Variants in TMTC2 observed in about 807,000 individuals in gnomAD.
TMTC2 encodes the protein protein O-mannosyl-transferase TMTC2.
TMTC2 carries 43 observed loss-of-function variants against 82.4 expected under a neutral mutation model. The observed-to-expected ratio is 0.52, with a 90% CI of 0.41 to 0.67. TMTC2 has a LOEUF of 0.67. TMTC2 is among the 30% of genes least tolerant of loss of function. The probability of loss-of-function intolerance (pLI) is 0.00; values close to 1 mark genes in which losing one functional copy is unlikely to be tolerated. For missense variants in TMTC2, 919 were observed against 1,012.4 expected, an observed-to-expected ratio of 0.91 and a Z score of 1.25; for synonymous variants, 408 against 381.9, an observed-to-expected ratio of 1.07 and a Z score of -0.80.
intron 1 of TMTC2, among the ~76,000 whole-genome samples, chr12:82,726,651 T>C (rs1027742502): frequency 5.9e-5 from 9 of 151,900 alleles, no homozygotes; most frequent in Admixed American, 3.9e-4. Flanking sequence ...GAGGCCAAGG[T>C]GGGCAGATCA....
chr12:82,939,448 T>C (rs1473952741), intron 4 of TMTC2, among the ~76,000 whole-genome samples: 2 of 152,188 alleles, frequency 1.3e-5, no homozygotes, highest in Non-Finnish European at 2.9e-5. Flanking sequence ...CTAATATGCT[T>C]TTAAATTTGA....
intron 1 of TMTC2, among the ~76,000 whole-genome samples, chr12:82,804,700 G>C (rs187550788): frequency 6.6e-6 from 1 of 151,950 alleles, no homozygotes; most frequent in African/African-American, 2.4e-5. Flanking sequence ...AACTTTTTCC[G>C]GTATTGAATA....
intron 1 of TMTC2, among the ~76,000 whole-genome samples, chr12:82,856,308 A>G (rs375977801): frequency 2.0e-5 from 3 of 152,194 alleles, no homozygotes; most frequent in Non-Finnish European, 4.4e-5. Context: ...GAAAGCTAAG[A>G]AGTGGGAAAG....
chr12:82,887,300 T>A (rs1873150153), intron 2 of TMTC2, among the ~76,000 whole-genome samples: 1 of 152,218 alleles, frequency 6.6e-6, no homozygotes, highest in Non-Finnish European at 1.5e-5. Context: ...AAGCTGCTAT[T>A]ATTAATGACA....
intron 10 of TMTC2, among the ~76,000 whole-genome samples, chr12:83,053,310 G>C (rs1174077512): frequency 6.6e-6 from 1 of 152,112 alleles, no homozygotes; most frequent in Non-Finnish European, 1.5e-5. Context: ...AGGGTTTAGT[G>C]ACCATTTGGG....
At chr12:82,752,646 A>G (rs1445127475) in intron 1 of TMTC2, among the ~76,000 whole-genome samples, 1 of 151,936 alleles carries the variant, frequency 6.6e-6, no homozygotes, top group Non-Finnish European at 1.5e-5. Context: ...CCTCCAGCAA[A>G]TTAATCTTAA....
At chr12:82,996,276 T>A (rs7968747) in intron 8 of TMTC2, among the ~76,000 whole-genome samples, 265 of 152,186 alleles carry the variant, frequency 1.7e-3, no homozygotes, top group African/African-American at 5.6e-3. Flanking sequence ...GAACCATTAT[T>A]ATACTCCACA....
intron 10 of TMTC2, among the ~76,000 whole-genome samples, chr12:83,055,618 G>A (rs1189717083): frequency 6.6e-6 from 1 of 151,934 alleles, no homozygotes; most frequent in Non-Finnish European, 1.5e-5. Context: ...GAGAGTACAT[G>A]AAGATACTTG....
At chr12:82,902,789 G>T (rs1173674435) in intron 3 of TMTC2, among the ~76,000 whole-genome samples, 1 of 152,148 alleles carries the variant, frequency 6.6e-6, no homozygotes, top group East Asian at 1.9e-4. Flanking sequence ...GATAGGTTCA[G>T]TTGTGCTCCA....
intron 8 of TMTC2, among the ~76,000 whole-genome samples, chr12:82,994,576 A>G (rs868348943): frequency 6.6e-6 from 1 of 151,946 alleles, no homozygotes. Context: ...CTGGAGGCAT[A>G]TAGATGGAGA....
intron 11 of TMTC2, among the ~76,000 whole-genome samples, chr12:83,068,441 T>C (rs1384934542): frequency 1.3e-5 from 2 of 152,102 alleles, no homozygotes; most frequent in Non-Finnish European, 2.9e-5. Context: ...ACAAGATTAA[T>C]AATAATTTGT....
chr12:82,940,490 T>C (rs1045724118), intron 4 of TMTC2, among the ~76,000 whole-genome samples: 4 of 152,276 alleles, frequency 2.6e-5, no homozygotes, highest in African/African-American at 9.6e-5. Context: ...TGGTCATTCC[T>C]GGTTATTTAC....
chr12:83,119,180 C>G (rs1474631521), intron 11 of TMTC2, among the ~76,000 whole-genome samples: 1 of 151,882 alleles, frequency 6.6e-6, no homozygotes, highest in Non-Finnish European at 1.5e-5. Flanking sequence ...GTTTCTTCTA[C>G]TGGGTTTCGG....
Position 82,810,023 on chromosome 12 carries a change from T to G in TMTC2, c.84-46987T>G, listed in dbSNP as rs557423468. On this transcript the variant is annotated intron_variant, in intron 1 of 11. Coordinates refer to ENST00000321196, the MANE Select transcript of TMTC2 (RefSeq NM_152588.3). ...TTAGAGGAGCTGAAATGCTGAGAAT[T>G]TATATACAGAATCTTTTTGTGGAGA... Among the ~76,000 whole-genome samples, 296 of 152,218 alleles carry G rather than the reference T, an allele frequency of 1.9e-3. 1 individual carries two copies. Among genetic ancestry groups the G allele is most frequent in the African/African-American group, 6.8e-3 (284 of 41,554 alleles).
chr12:82,729,866 A>G (rs984477357), intron 1 of TMTC2, among the ~76,000 whole-genome samples: 3 of 152,166 alleles, frequency 2.0e-5, no homozygotes, highest in African/African-American at 7.2e-5. Flanking sequence ...CTCATGGCGA[A>G]GGTCTGCAGC....
rs181032216 is a variant in TMTC2, at chr12:82,916,624, C to T, written c.1484-13807C>T. The stretch of plus-strand genomic sequence containing the variant: ...ATGCCAAGGAACAACCGTAGATACA[C>T]TAAAACAAAACGAACATGGGTGCTG... On this transcript the variant is annotated intron_variant, in intron 3 of 11. Coordinates refer to ENST00000321196, the MANE Select transcript of TMTC2 (RefSeq NM_152588.3). 5.5e-4 allele frequency among the ~76,000 whole-genome samples: 83 copies of T among 152,238 alleles called. No individual in the cohort carries two copies. In the East Asian group the frequency reaches 0.013, roughly 23 times the overall value.
chr12:83,120,202 G>A (rs1045387768), intron 11 of TMTC2, among the ~76,000 whole-genome samples: 1 of 151,996 alleles, frequency 6.6e-6, no homozygotes, highest in Non-Finnish European at 1.5e-5. Flanking sequence ...CTTTGTTTTT[G>A]TTTTTTGTTT....
intron 11 of TMTC2, among the ~76,000 whole-genome samples, chr12:83,077,036 A>G (rs1027998884): frequency 6.6e-6 from 1 of 152,202 alleles, no homozygotes; most frequent in African/African-American, 2.4e-5. Context: ...TTTATTAAAG[A>G]CTGTTATGAG....
chr12:82,772,085 T>C (rs1323830079), intron 1 of TMTC2, among the ~76,000 whole-genome samples: 5 of 152,232 alleles, frequency 3.3e-5, no homozygotes, highest in Admixed American at 3.3e-4. Context: ...CGCTTAACTG[T>C]AAATTTCCTG....
Sources: gnomAD v4.1 joint callset for allele counts (sites outside exome capture counted in the v4.1 genomes callset) on GRCh38, gnomAD v4.1.1 for gene constraint, MANE v1.5 for transcripts, NCBI Gene and HGNC (gene_info 2026-07-23, HGNC 2026-07-21) for gene names.